Variants in AKAP19 observed in about 807,000 individuals in gnomAD.
AKAP19 encodes the protein A-kinase anchoring protein 19, also known as small A-kinase anchoring protein.
At chr2:190,158,431 A>G in the AKAP19 span, among the ~76,000 whole-genome samples, 1 of 152,204 alleles carries the variant, frequency 6.6e-6, no homozygotes, top group African/African-American at 2.4e-5. Context: ...TCTCACATTA[A>G]CAAATTTGAA....
At chr2:190,043,362 G>A in the AKAP19 span, among the ~76,000 whole-genome samples, 1 of 152,052 alleles carries the variant, frequency 6.6e-6, no homozygotes, top group African/African-American at 2.4e-5. Context: ...TTTACATAAT[G>A]CCATACTTCT....
the AKAP19 span, among the ~76,000 whole-genome samples, chr2:189,920,243 T>A: frequency 6.6e-6 from 1 of 152,214 alleles, no homozygotes; most frequent in Non-Finnish European, 1.5e-5. Context: ...AGGACTGATA[T>A]GGCAGTTTGA....
chr2:190,161,702 A>G, the AKAP19 span, among the ~76,000 whole-genome samples: 1 of 152,212 alleles, frequency 6.6e-6, no homozygotes, highest in Non-Finnish European at 1.5e-5. Flanking sequence ...GAGTAGAAGT[A>G]TTCTCTTGTT....
At chr2:190,199,776 T>A in the AKAP19 span, 6 of 1,554,586 alleles carry the variant, frequency 3.9e-6, no homozygotes, top group Non-Finnish European at 5.2e-6. Flanking sequence ...CTGGTCAACA[T>A]CACATGGACA....
chr2:190,195,564 G>C, the AKAP19 span, among the ~76,000 whole-genome samples: 2 of 152,180 alleles, frequency 1.3e-5, no homozygotes, highest in African/African-American at 4.8e-5. Flanking sequence ...GAAGACTTCC[G>C]TGAGGTGTCT....
the AKAP19 span, chr2:190,057,362 G>C: frequency 6.2e-7 from 1 of 1,613,470 alleles, no homozygotes; most frequent in Non-Finnish European, 8.5e-7. Context: ...ATCTTTGTGG[G>C]AGTACAGCAA....
At chr2:189,971,561 T>C in the AKAP19 span, among the ~76,000 whole-genome samples, 1 of 152,214 alleles carries the variant, frequency 6.6e-6, no homozygotes, top group Non-Finnish European at 1.5e-5. Flanking sequence ...ATCGCCACAC[T>C]GTCTTCCACA....
At chr2:189,899,804 T>TTCCC in the AKAP19 span, among the ~76,000 whole-genome samples, 1 of 151,780 alleles carries the variant, frequency 6.6e-6, no homozygotes, top group Non-Finnish European at 1.5e-5. Flanking sequence ...CTATATTTCT[T>TTCCC]TACTTTTTAC....
chr2:189,914,428 C>A, the AKAP19 span, among the ~76,000 whole-genome samples: 4 of 151,906 alleles, frequency 2.6e-5, no homozygotes, highest in African/African-American at 9.7e-5. Context: ...GTTTATTTTT[C>A]TTCCCTTGTT....
At chr2:189,935,052 A>G in the AKAP19 span, among the ~76,000 whole-genome samples, 2 of 152,068 alleles carry the variant, frequency 1.3e-5, no homozygotes, top group Admixed American at 6.6e-5. Context: ...AACAGCTCCT[A>G]TGACAGCTTC....
chr2:190,158,789 T>C, the AKAP19 span, among the ~76,000 whole-genome samples: 2 of 152,148 alleles, frequency 1.3e-5, no homozygotes, highest in African/African-American at 2.4e-5. Context: ...GCAGAACAGA[T>C]ATGATCACAG....
the AKAP19 span, among the ~76,000 whole-genome samples, chr2:190,024,002 T>C: frequency 6.6e-6 from 1 of 151,960 alleles, no homozygotes; most frequent in Non-Finnish European, 1.5e-5. Flanking sequence ...TTTTTGTACC[T>C]ATAAACGTAT....
chr2:190,049,563 C>T, the AKAP19 span, among the ~76,000 whole-genome samples: 20 of 152,152 alleles, frequency 1.3e-4, no homozygotes, highest in African/African-American at 4.3e-4. Flanking sequence ...TATACCTGGA[C>T]GTTGTCATGT....
the AKAP19 span, among the ~76,000 whole-genome samples, chr2:189,958,522 C>CATAT: frequency 0.03 from 4,332 of 143,662 alleles, 147 homozygotes; most frequent in African/African-American, 0.083. Context: ...ACACACATAA[C>CATAT]ATATATATAT....
the AKAP19 span, among the ~76,000 whole-genome samples, chr2:190,150,766 CTT>C: frequency 1.2e-3 from 170 of 144,316 alleles, 1 homozygote; most frequent in East Asian, 2.4e-3. Context: ...TGATCTCCTG[CTT>C]TTTTTTTTTT....
chr2:190,073,142 T>C, the AKAP19 span, among the ~76,000 whole-genome samples: 1 of 151,890 alleles, frequency 6.6e-6, no homozygotes, highest in Non-Finnish European at 1.5e-5. Flanking sequence ...AGATAAATGG[T>C]TTACAGACAG....
chr2:190,039,018 C>T, the AKAP19 span, among the ~76,000 whole-genome samples: 50 of 97,824 alleles, frequency 5.1e-4, no homozygotes, highest in Non-Finnish European at 8.6e-4. Context: ...TCCTCTTCCT[C>T]TTCCTCTTCT....
the AKAP19 span, among the ~76,000 whole-genome samples, chr2:190,138,772 G>A: frequency 6.6e-6 from 1 of 152,182 alleles, no homozygotes; most frequent in East Asian, 1.9e-4. Context: ...AAAGCCAGGA[G>A]ATAGGTTTTT....
At chr2:190,016,186 G>A in the AKAP19 span, among the ~76,000 whole-genome samples, 986 of 152,306 alleles carry the variant, frequency 6.5e-3, 6 homozygotes, top group Middle Eastern at 0.01. Context: ...CCAATTAACT[G>A]TATTAGTTCA....
Sources: allele counts gnomAD v4.1 joint callset (sites outside exome capture counted in the v4.1 genomes callset), GRCh38; gene constraint gnomAD v4.1.1; transcripts MANE v1.5; gene names NCBI Gene and HGNC (gene_info 2026-07-23, HGNC 2026-07-21).